Variants in SMAD1 observed in about 807,000 individuals in gnomAD.
SMAD1 encodes the protein MAD, mothers against decapentaplegic homolog 1.
In SMAD1, 6 loss-of-function variants were observed where a neutral mutation model predicts 41.6. The observed-to-expected ratio is 0.14, with a 90% CI of 0.08 to 0.28. SMAD1 has a LOEUF of 0.28. Among genes scored for constraint, SMAD1 ranks in the 10% least tolerant of loss-of-function variants. The probability of loss-of-function intolerance (pLI) is 1.00; values close to 1 mark genes in which losing one functional copy is unlikely to be tolerated. For synonymous variants in SMAD1, 206 were observed against 203.2 expected, an observed-to-expected ratio of 1.01 and a Z score of -0.12; for missense variants, 379 against 582.6, an observed-to-expected ratio of 0.65 and a Z score of 3.60.
At chr4:145,503,595 A>G (rs900814906) in intron 1 of SMAD1, among the ~76,000 whole-genome samples, 2 of 152,200 alleles carry the variant, frequency 1.3e-5, no homozygotes, top group African/African-American at 4.8e-5. Flanking sequence ...AAAACAGGAA[A>G]AAGGAATGCA....
Position 145,558,652 on chromosome 4 carries a change from T to A in SMAD1, c.*718T>A, listed in dbSNP as rs981467627. On this transcript the variant is annotated 3_prime_UTR_variant, in exon 7 of 7. Transcript: ENST00000302085. ...GCAAATGTAGACTATACTGTAAAAATTCAGTTTGTTGCTTTAAAGAAACAA... is the reference window on the plus strand; with the variant it reads ...GCAAATGTAGACTATACTGTAAAAAATCAGTTTGTTGCTTTAAAGAAACAA... Among the ~76,000 whole-genome samples, 24 of 152,142 alleles carry A rather than the reference T, an allele frequency of 1.6e-4. No homozygotes were observed. The highest frequency in any genetic ancestry group is 5.3e-4 in the African/African-American group (22 of 41,480).
chr4:145,494,162 A>G (rs1243146586), intron 1 of SMAD1, among the ~76,000 whole-genome samples: 2 of 152,060 alleles, frequency 1.3e-5, no homozygotes, highest in African/African-American at 2.4e-5. Context: ...GGGTTTCACC[A>G]TGTTGGCCAG....
intron 1 of SMAD1, among the ~76,000 whole-genome samples, chr4:145,489,578 G>C (rs1728668656): frequency 6.6e-6 from 1 of 152,200 alleles, no homozygotes; most frequent in Admixed American, 6.5e-5. Context: ...TTCTAAACTT[G>C]GTGGCTGGAA....
chr4:145,531,339 A>T (rs1316419795), intron 2 of SMAD1, among the ~76,000 whole-genome samples: 4 of 152,116 alleles, frequency 2.6e-5, no homozygotes, highest in African/African-American at 9.7e-5. Flanking sequence ...AACACACTCT[A>T]CTGGGGACAT....
chr4:145,516,630 G>T (rs1471280240), intron 2 of SMAD1, among the ~76,000 whole-genome samples: 1 of 152,114 alleles, frequency 6.6e-6, no homozygotes, highest in Non-Finnish European at 1.5e-5. Context: ...GGATATAGAC[G>T]TTCTTTACTG....
chr4:145,520,608 T>G (rs563741566), intron 2 of SMAD1, among the ~76,000 whole-genome samples: 1 of 152,326 alleles, frequency 6.6e-6, no homozygotes, highest in Non-Finnish European at 1.5e-5. Context: ...GATAGAAAAT[T>G]GCTCTTTCCA....
chr4:145,516,695 A>G (rs1244864196), intron 2 of SMAD1, among the ~76,000 whole-genome samples: 1 of 152,234 alleles, frequency 6.6e-6, no homozygotes, highest in Non-Finnish European at 1.5e-5. Flanking sequence ...GCACAGAGGT[A>G]CATGTCCCTC....
intron 2 of SMAD1, 145 bp downstream of exon 2, chr4:145,515,158 G>C (rs1730306118): frequency 1.4e-6 from 1 of 714,076 alleles, no homozygotes; most frequent in Non-Finnish European, 2.3e-6. Context: ...GTGTGTGTGT[G>C]TGTGTGTGTG....
intron 5 of SMAD1, among the ~76,000 whole-genome samples, chr4:145,547,291 C>A (rs1427801858): frequency 1.3e-5 from 2 of 151,858 alleles, no homozygotes; most frequent in East Asian, 3.9e-4. Context: ...TACCATAACT[C>A]AGTAAATAGA....
chr4:145,487,322 G>A (rs1025945122), intron 1 of SMAD1, among the ~76,000 whole-genome samples: 3 of 152,104 alleles, frequency 2.0e-5, no homozygotes, highest in Non-Finnish European at 4.4e-5. Context: ...AATTGGACAG[G>A]TCTGAGGAGA....
chr4:145,529,093 AAGTG>A (rs1731186332), intron 2 of SMAD1, among the ~76,000 whole-genome samples: 1 of 152,226 alleles, frequency 6.6e-6, no homozygotes, highest in Admixed American at 6.5e-5. Flanking sequence ...TTATTATTAA[AAGTG>A]AGGTTTAAAT....
At chr4:145,557,618 G>A (rs1316645247) in intron 6 of SMAD1, among the ~76,000 whole-genome samples, 173 bp from the exon 7 acceptor site, 2 of 152,112 alleles carry the variant, frequency 1.3e-5, no homozygotes, top group East Asian at 1.9e-4. Context: ...AATTGCCTGC[G>A]AAATTATGCG....
intron 2 of SMAD1, among the ~76,000 whole-genome samples, chr4:145,522,860 A>G (rs953491386): frequency 1.2e-4 from 18 of 151,850 alleles, no homozygotes; most frequent in African/African-American, 4.1e-4. Context: ...TTGTATTTTT[A>G]GTAGAGACGG....
chr4:145,511,303 G>T lies in SMAD1; in HGVS notation c.-176-3135G>T, dbSNP rs928671083. On this transcript the variant is annotated intron_variant, in intron 1 of 6. Coordinates refer to ENST00000302085, the MANE Select transcript of SMAD1 (RefSeq NM_005900.3). ...AAATTTTTATTTGATTTTTAGAGAC[G>T]CTCTCACTCTGTCACTCAGGTTGGA... Among the ~76,000 whole-genome samples the T allele has an allele frequency of 2.9e-5, 3 of 105,066 alleles. No individual in the cohort carries two copies. The East Asian group carries it at 7.8e-4, about 27-fold the overall frequency. The allele number at this position is 105,066 out of a possible 152,430, so 68.9% of individuals were successfully genotyped here.
intron 1 of SMAD1, among the ~76,000 whole-genome samples, chr4:145,485,079 ATT>A (rs902803323): frequency 6.6e-6 from 1 of 151,846 alleles, no homozygotes; most frequent in South Asian, 2.1e-4. Flanking sequence ...TTATTATTCT[ATT>A]TTTTTGAGAC....
intron 1 of SMAD1, among the ~76,000 whole-genome samples, chr4:145,510,859 G>A (rs1730036697): frequency 6.6e-6 from 1 of 152,082 alleles, no homozygotes; most frequent in Non-Finnish European, 1.5e-5. Flanking sequence ...TTTGCTTTAT[G>A]AATTTGAGAC....
At chr4:145,489,063 A>G (rs1728640659) in intron 1 of SMAD1, among the ~76,000 whole-genome samples, 1 of 152,256 alleles carries the variant, frequency 6.6e-6, no homozygotes, top group Non-Finnish European at 1.5e-5. Flanking sequence ...TTCTGCAGTG[A>G]TGGAAATGTT....
In SMAD1 at chr4:145,558,072, A is replaced by T; in HGVS notation, c.*138A>T. ...CTGTGACCAACTGTTGGATTCAGAA[A>T]TTTAAACAAAAAAAAAAAAAAACAC... On this transcript the variant is annotated 3_prime_UTR_variant, in exon 7 of 7. Transcript: ENST00000302085. 1 of 411,594 alleles carries T rather than the reference A, an allele frequency of 2.4e-6. No homozygotes were observed. The highest frequency in any genetic ancestry group is 4.1e-6 in the Non-Finnish European group (1 of 241,230). The allele number at this position is 411,594 out of a possible 1,614,324, so 25.5% of individuals were successfully genotyped here.
At chr4:145,490,562 G>C (rs1417334723) in intron 1 of SMAD1, among the ~76,000 whole-genome samples, 1 of 152,202 alleles carries the variant, frequency 6.6e-6, no homozygotes, top group Non-Finnish European at 1.5e-5. Flanking sequence ...GGTAGGCTTA[G>C]GGATAGCAAA....
Sources: gnomAD v4.1 joint callset for allele counts (sites outside exome capture counted in the v4.1 genomes callset) on GRCh38, gnomAD v4.1.1 for gene constraint, MANE v1.5 for transcripts, NCBI Gene and HGNC (gene_info 2026-07-23, HGNC 2026-07-21) for gene names.